The following SLC8A1 variants were observed in gnomAD, a reference collection of about 807,000 sequenced individuals.
SLC8A1 encodes solute carrier family 8 member A1.
In SLC8A1, 18 loss-of-function variants were observed where a neutral mutation model predicts 68.3. The ratio of observed to expected loss-of-function variants is 0.26; its 90% CI spans 0.18 to 0.39. The LOEUF is 0.39. SLC8A1 is among the 10% of genes least tolerant of loss of function. The pLI, the probability that SLC8A1 is intolerant of heterozygous loss-of-function variation, is 1.00. For synonymous variants in SLC8A1, 475 were observed against 415.5 expected (o/e 1.14, Z -1.74); for missense variants, 985 against 1,156.7 (o/e 0.85, Z 2.15).
Position 40,119,358 on chromosome 2 carries a change from C to T in SLC8A1, c.2438-3729G>A, listed in dbSNP as rs1392019549. ...GTAAAAAAAAAAAAAATTGCAGGAA[C>T]ACACGCAAATCCAAACCACTAACCT... On this transcript the variant is annotated intron_variant, in intron 7 of 7. Transcript: ENST00000406785. Among the ~76,000 whole-genome samples the T allele has an allele frequency of 2.0e-5, 3 of 151,216 alleles. No individual in the cohort carries two copies. The South Asian group carries it at 6.3e-4, about 32-fold the overall frequency.
At chr2:40,251,533 C>T (rs1011879046) in intron 2 of SLC8A1, 1 of 152,154 alleles carries the variant, frequency 6.6e-6, no homozygotes. Flanking sequence ...TAGTAAATCA[C>T]CTGTAAATAA....
chr2:40,160,431 G>A (rs902942676), intron 6 of SLC8A1, among the ~76,000 whole-genome samples: 2 of 152,048 alleles, frequency 1.3e-5, no homozygotes, highest in Non-Finnish European at 2.9e-5. Flanking sequence ...CCTTGACTTG[G>A]CCACCTTTGT....
intron 2 of SLC8A1, among the ~76,000 whole-genome samples, chr2:40,215,124 G>A (rs1179775902): frequency 6.6e-6 from 1 of 152,024 alleles, no homozygotes; most frequent in East Asian, 1.9e-4. Flanking sequence ...GTATTTATGA[G>A]TTGTAGCACA....
At position 40,131,371 on chromosome 2, in the gene SLC8A1, G is replaced by A. The variant is rs376982221; in HGVS notation, c.2437+8030C>T. On this transcript the variant is annotated intron_variant, in intron 7 of 7. Coordinates refer to ENST00000406785, the Ensembl canonical transcript of SLC8A1. The stretch of plus-strand genomic sequence containing the variant: ...AATCTATCTGTGAGCTTTGCACTGA[G>A]AACAACACATCTATTTGAAGTAGGA... Among the ~76,000 whole-genome samples, 17 of 152,316 alleles carry A rather than the reference G, an allele frequency of 1.1e-4. No individual in the cohort carries two copies. The South Asian group carries it at 3.1e-3, about 28-fold the overall frequency.
chr2:40,339,229 C>G (rs977810710), intron 2 of SLC8A1, among the ~76,000 whole-genome samples: 1 of 152,242 alleles, frequency 6.6e-6, no homozygotes, highest in Non-Finnish European at 1.5e-5. Context: ...GTAGCAACCA[C>G]TGTCTTGCAG....
intron 2 of SLC8A1, among the ~76,000 whole-genome samples, chr2:40,373,286 T>C (rs1290465420): frequency 6.6e-6 from 1 of 152,110 alleles, no homozygotes; most frequent in Non-Finnish European, 1.5e-5. Flanking sequence ...TCTTGAATGA[T>C]TTACACCTAC....
At chr2:40,333,449 A>G (rs1314544266) in intron 2 of SLC8A1, among the ~76,000 whole-genome samples, 2 of 151,286 alleles carry the variant, frequency 1.3e-5, no homozygotes, top group Admixed American at 6.6e-5. Flanking sequence ...AAAAAAAAAA[A>G]AAAAGAAAAG....
At chr2:40,475,623 T>C (rs1408424053) in intron 1 of SLC8A1, among the ~76,000 whole-genome samples, 1 of 152,080 alleles carries the variant, frequency 6.6e-6, no homozygotes, top group African/African-American at 2.4e-5. Flanking sequence ...TACATATACA[T>C]ACATGTACAC....
Position 40,322,155 on chromosome 2 carries a change from A to G in SLC8A1, c.1808+106318T>C, listed in dbSNP as rs540495014. On this transcript the variant is annotated intron_variant, in intron 2 of 7. Transcript: ENST00000406785. ...TTAAGAAAAGATTATATCAGTAATA[A>G]TTTTAGGAAGGCTGCTGTGTGGTTT... Among the ~76,000 whole-genome samples, 5 of 152,268 alleles carry G rather than the reference A, an allele frequency of 3.3e-5. No individual in the cohort carries two copies. The South Asian group carries it at 1.0e-3, about 32-fold the overall frequency.
chr2:40,135,705 G>C (rs536658503), intron 7 of SLC8A1, among the ~76,000 whole-genome samples: 1 of 152,060 alleles, frequency 6.6e-6, no homozygotes, highest in Non-Finnish European at 1.5e-5. Flanking sequence ...GCGACAGAGC[G>C]AGTCTCCATC....
upstream of SLC8A1, among the ~76,000 whole-genome samples, chr2:40,455,907 C>T (rs529319619): frequency 1.3e-5 from 2 of 152,330 alleles, no homozygotes; most frequent in African/African-American, 4.8e-5. Flanking sequence ...AGTCACAACT[C>T]TCCTCCTCTC....
chr2:40,117,564 CAAAAA>C (rs1204933800), intron 7 of SLC8A1, among the ~76,000 whole-genome samples: 1 of 98,602 alleles, frequency 1.0e-5, no homozygotes, highest in African/African-American at 3.8e-5. Context: ...GACTCCATCT[CAAAAA>C]AAAAAAAAAA....
chr2:40,338,597 C>T (rs1239792318), intron 2 of SLC8A1, among the ~76,000 whole-genome samples: 1 of 152,114 alleles, frequency 6.6e-6, no homozygotes, highest in African/African-American at 2.4e-5. Flanking sequence ...TCAACAAATA[C>T]AAGTCAATGA....
rs1173073396 is a variant in SLC8A1, at chr2:40,232,754, C to CG, written c.1809-54900_1809-54899insC. 5.3e-4 allele frequency among the ~76,000 whole-genome samples: 41 copies of CG among 77,622 alleles called. 3 individuals are homozygous for CG. The highest frequency in any genetic ancestry group is 6.9e-4 in the South Asian group (2 of 2,892). The allele number at this position is 77,622 out of a possible 152,430, so 50.9% of individuals were successfully genotyped here. Reference sequence around the variant, plus strand: ...TCCCAGTGCTATCCCTCCCCCCCCGCCACCCCACAACAGTCCCCAGAGTGT... The same window carrying CG: ...TCCCAGTGCTATCCCTCCCCCCCCGCGCACCCCACAACAGTCCCCAGAGTGT... On this transcript the variant is annotated intron_variant, in intron 2 of 7. Transcript: ENST00000406785.
intron 1 of SLC8A1, among the ~76,000 whole-genome samples, chr2:40,492,095 A>G (rs1464669176): frequency 6.6e-6 from 1 of 152,078 alleles, no homozygotes; most frequent in African/African-American, 2.4e-5. Context: ...TTCAAACTAT[A>G]CTACAAGGCT....
intron 2 of SLC8A1, among the ~76,000 whole-genome samples, chr2:40,203,717 T>G (rs2054843340): frequency 2.0e-5 from 3 of 151,950 alleles, no homozygotes; most frequent in Admixed American, 2.0e-4. Flanking sequence ...GAGGGTTATT[T>G]TATTTTGAGA....
At chr2:40,240,281 G>A (rs903210112) in intron 2 of SLC8A1, among the ~76,000 whole-genome samples, 12 of 152,296 alleles carry the variant, frequency 7.9e-5, no homozygotes, top group African/African-American at 1.4e-4. Context: ...AGTCTCCGAC[G>A]GAGCGGAGGA....
At chr2:40,503,914 C>T (rs1706200085) in intron 1 of SLC8A1, among the ~76,000 whole-genome samples, 1 of 151,954 alleles carries the variant, frequency 6.6e-6, no homozygotes, top group Admixed American at 6.6e-5. Context: ...CAATTCCTAT[C>T]AAAATGCCGA....
exon 8 of SLC8A1, chr2:40,114,736 T>C (rs1240442399): frequency 6.6e-6 from 1 of 152,360 alleles, no homozygotes; most frequent in Admixed American, 6.5e-5. Context: ...TCTTCTTCCA[T>C]GCCCAGATTT....
Sources: gnomAD v4.1 joint callset for allele counts (sites outside exome capture counted in the v4.1 genomes callset) on GRCh38, gnomAD v4.1.1 for gene constraint, MANE v1.5 for transcripts, NCBI Gene and HGNC (gene_info 2026-07-23, HGNC 2026-07-21) for gene names.